Variants in SYNRG observed in about 807,000 individuals in gnomAD.
SYNRG encodes the protein synergin gamma.
SYNRG carries 37 observed loss-of-function variants against 130.9 expected under a neutral mutation model. That is an observed-to-expected ratio of 0.28 (90% CI 0.22 to 0.37). The LOEUF is 0.37. SYNRG is among the 10% of genes least tolerant of loss of function. The pLI, the probability that SYNRG is intolerant of heterozygous loss-of-function variation, is 1.00. For missense variants in SYNRG, 1,338 were observed against 1,588.9 expected, an observed-to-expected ratio of 0.84 and a Z score of 2.68; for synonymous variants, 539 against 568.1, an observed-to-expected ratio of 0.95 and a Z score of 0.73.
chr17:37,600,176 C>A (rs181457325), intron 2 of SYNRG, among the ~76,000 whole-genome samples, 187 bp downstream of exon 2: 5 of 152,288 alleles, frequency 3.3e-5, no homozygotes, highest in Admixed American at 3.3e-4. Flanking sequence ...CCTTATTACT[C>A]CCAAAATTAT....
At chr17:37,603,213 C>G (rs1391268518) in intron 1 of SYNRG, among the ~76,000 whole-genome samples, 1 of 151,924 alleles carries the variant, frequency 6.6e-6, no homozygotes. Flanking sequence ...TTTAGAGAAT[C>G]TAGTGAATGG....
chr17:37,571,560 C>G (rs1443532905), intron 9 of SYNRG, among the ~76,000 whole-genome samples: 7 of 152,092 alleles, frequency 4.6e-5, no homozygotes, highest in Non-Finnish European at 1.0e-4. Flanking sequence ...CCAGCCTGGG[C>G]AACAGAATGA....
rs896489672 is a variant in SYNRG, at chr17:37,561,242, T to C, written c.1616A>G (p.Tyr539Cys). ...CTGTTCAAGTTCTCTGAAAGCACTATATTTATCACCAGGATCTATGATAGA... is the reference window on the plus strand; with the variant it reads ...CTGTTCAAGTTCTCTGAAAGCACTACATTTATCACCAGGATCTATGATAGA... ...TVPPGDPGDK[Y>C]SAFRELEQTA... The change falls in exon 13 of 22, where the codon TAT (tyrosine) becomes TGT (cysteine). Residue 539 changes from tyrosine (Y) to cysteine (C), a missense_variant. Tyr to Cys is a radical substitution (Grantham distance 194). This residue lies in a region of SYNRG where 1,146 missense variants were observed against 1,342.3 expected (regional missense o/e 0.85). Transcript: ENST00000612223. 17 of 1,613,758 alleles carry C rather than the reference T, an allele frequency of 1.1e-5. No individual in the cohort carries two copies. The highest frequency in any genetic ancestry group is 1.4e-5 in the Non-Finnish European group (17 of 1,179,958).
intron 1 of SYNRG, among the ~76,000 whole-genome samples, chr17:37,604,104 G>C (rs1026976546): frequency 1.3e-5 from 2 of 152,102 alleles, no homozygotes; most frequent in Admixed American, 1.3e-4. Context: ...GCCTGGCGTG[G>C]TGGTGCGTGC....
In SYNRG at chr17:37,515,234, G is replaced by C. The variant is rs2054334966; in HGVS notation, c.*3706C>G. 1 of 152,170 alleles carries C rather than the reference G, an allele frequency of 6.6e-6. No individual in the cohort carries two copies. Among genetic ancestry groups the C allele is most frequent in the Admixed American group, 6.5e-5 (1 of 15,278 alleles). The allele number at this position is 152,170 out of a possible 1,614,324, so 9.4% of individuals were successfully genotyped here. ...AAGCTTTATTTCCTCGGCCTGGCAAGGGGAGGGCTTTTCAGTATTGTTATT... is the reference window on the plus strand; with the variant it reads ...AAGCTTTATTTCCTCGGCCTGGCAACGGGAGGGCTTTTCAGTATTGTTATT... On this transcript the variant is annotated 3_prime_UTR_variant, in exon 22 of 22. Coordinates refer to ENST00000612223, the MANE Select transcript of SYNRG (RefSeq NM_007247.6).
chr17:37,525,742 C>A (rs9907188), intron 19 of SYNRG, among the ~76,000 whole-genome samples: 10 of 152,150 alleles, frequency 6.6e-5, no homozygotes, highest in South Asian at 4.1e-4. Context: ...CCAAGGCGGG[C>A]GGATCACGAG....
rs578012216 is a variant in SYNRG, at chr17:37,604,945, G to A, written c.77+4334C>T. On this transcript the variant is annotated intron_variant, in intron 1 of 21. Transcript: ENST00000612223. ...ATCAATTACGTTTGCTGTCTTATAC[G>A]AGCTGGGTTTGTGGTGCTCCAAAAC... 1.3e-4 allele frequency among the ~76,000 whole-genome samples: 20 copies of A among 152,248 alleles called. No individual in the cohort carries two copies. In the South Asian group the frequency reaches 3.5e-3, roughly 27 times the overall value.
chr17:37,539,292 T>C lies in SYNRG; in HGVS notation c.3367-47A>G, dbSNP rs1484100297. Reference sequence around the variant, plus strand: ...CTGGGTTAAACACACAAACCTGGAATCTTCTATTGATGACTCTGTCAATTC... The same window carrying C: ...CTGGGTTAAACACACAAACCTGGAACCTTCTATTGATGACTCTGTCAATTC... On this transcript the variant is annotated intron_variant, in intron 16 of 21. Transcript: ENST00000612223. 8 of 1,592,306 alleles carry C rather than the reference T, an allele frequency of 5.0e-6. No homozygotes were observed. The Admixed American group carries it at 5.0e-5, about 10-fold the overall frequency.
At chr17:37,562,855 C>T (rs1245715062) in intron 11 of SYNRG, among the ~76,000 whole-genome samples, 1 of 152,090 alleles carries the variant, frequency 6.6e-6, no homozygotes, top group Non-Finnish European at 1.5e-5. Flanking sequence ...AAAAAAACCC[C>T]CAAAGTTGAA....
At chr17:37,521,397 G>C (rs907899982) in intron 19 of SYNRG, among the ~76,000 whole-genome samples, 4 of 152,088 alleles carry the variant, frequency 2.6e-5, no homozygotes, top group Admixed American at 2.0e-4. Context: ...GGGGACAGGA[G>C]GGTTGGGTGA....
At position 37,567,912 on chromosome 17, in the gene SYNRG, T is replaced by C. The variant is rs2060116206; in HGVS notation, c.1481+879A>G. On this transcript the variant is annotated intron_variant, in intron 11 of 21. Coordinates refer to ENST00000612223, the MANE Select transcript of SYNRG (RefSeq NM_007247.6). ...TTGCAGAAATATCTAAATACTTTTT[T>C]TAAAATGCCGTCTGGGCATGGTGGC... The C allele has an allele frequency of 2.6e-5, 4 of 152,226 alleles. No individual in the cohort carries two copies. In the South Asian group the frequency reaches 6.2e-4, roughly 24 times the overall value. 9.4% of individuals were successfully genotyped at this position (152,226 alleles called of 1,614,324 possible).
chr17:37,571,643 A>T (rs1267986668), intron 9 of SYNRG, 148 bp downstream of exon 9: 1 of 728,808 alleles, frequency 1.4e-6, no homozygotes, highest in African/African-American at 1.8e-5. Flanking sequence ...TGCACATCTT[A>T]TAAACTCTAC....
intron 17 of SYNRG, among the ~76,000 whole-genome samples, chr17:37,538,648 T>G (rs1423975756): frequency 6.6e-6 from 1 of 152,252 alleles, no homozygotes; most frequent in Non-Finnish European, 1.5e-5. Flanking sequence ...CAGGTTGGAG[T>G]GCAGTGGCAA....
At chr17:37,563,273 G>A (rs920649046) in intron 11 of SYNRG, among the ~76,000 whole-genome samples, 15 of 152,272 alleles carry the variant, frequency 9.9e-5, no homozygotes, top group Admixed American at 6.5e-4. Context: ...AAGTGAGAAA[G>A]GCATATATGA....
chr17:37,523,206 G>A (rs1757563487), intron 19 of SYNRG, among the ~76,000 whole-genome samples: 1 of 152,146 alleles, frequency 6.6e-6, no homozygotes. Context: ...CACCCAGGGT[G>A]GAGTGCAGGG....
chr17:37,576,785 G>A (rs1310014921), intron 7 of SYNRG, among the ~76,000 whole-genome samples: 1 of 152,116 alleles, frequency 6.6e-6, no homozygotes, highest in African/African-American at 2.4e-5. Context: ...TTTACTTGCA[G>A]TTTTTACTAA....
chr17:37,608,991 C>A (rs1187397836), intron 1 of SYNRG, among the ~76,000 whole-genome samples: 1 of 145,328 alleles, frequency 6.9e-6, no homozygotes, highest in Non-Finnish European at 1.5e-5. Flanking sequence ...GCCCCGCCCC[C>A]CCCCACCCCA....
intron 19 of SYNRG, among the ~76,000 whole-genome samples, chr17:37,521,315 C>A (rs914798647): frequency 4.6e-5 from 7 of 152,136 alleles, no homozygotes; most frequent in African/African-American, 1.7e-4. Flanking sequence ...CAGGCATAAG[C>A]CACCGTGCCT....
intron 13 of SYNRG, 66 bp from the exon 14 acceptor site, chr17:37,554,125 A>C: frequency 7.1e-7 from 1 of 1,414,370 alleles, no homozygotes; most frequent in Non-Finnish European, 9.6e-7. Context: ...TACACAGTAT[A>C]TTAAACTGCA....
Sources: allele counts gnomAD v4.1 joint callset (sites outside exome capture counted in the v4.1 genomes callset), GRCh38; gene constraint gnomAD v4.1.1; regional missense constraint gnomAD v4.1.1; transcripts MANE v1.5; gene names NCBI Gene and HGNC (gene_info 2026-07-23, HGNC 2026-07-21).